Variants in MLLT3 observed in about 807,000 individuals in gnomAD.
MLLT3 encodes the protein protein AF-9.
Under a neutral mutation model 53.2 loss-of-function variants are expected in MLLT3, and 4 were observed. The ratio of observed to expected loss-of-function variants is 0.08; its 90% confidence interval spans 0.04 to 0.17. The LOEUF is 0.17. Among genes scored for constraint, MLLT3 ranks in the 10% least tolerant of loss-of-function variants. The probability of loss-of-function intolerance (pLI) is 1.00; values close to 1 mark genes in which losing one functional copy is unlikely to be tolerated. For synonymous variants in MLLT3, 283 were observed against 230.6 expected (o/e 1.23, Z -2.06); for missense variants, 569 against 684.0 (o/e 0.83, Z 1.87).
intron 2 of MLLT3, among the ~76,000 whole-genome samples, chr9:20,601,513 T>C (rs1436966710): frequency 1.3e-5 from 2 of 152,180 alleles, no homozygotes; most frequent in African/African-American, 2.4e-5. Context: ...TCTACTAAGA[T>C]AGAGTTGGAA....
intron 2 of MLLT3, among the ~76,000 whole-genome samples, chr9:20,514,810 G>C (rs1397081871): frequency 6.6e-6 from 1 of 152,134 alleles, no homozygotes; most frequent in East Asian, 1.9e-4. Context: ...TCAGGGACAT[G>C]AAAGTTCTAC....
rs1819951331 is a variant in MLLT3 at position 20,586,078 on chromosome 9, G to A, written c.193+34576C>T. On this transcript the variant is annotated intron_variant, in intron 2 of 10. Coordinates refer to ENST00000380338, the MANE Select transcript of MLLT3 (RefSeq NM_004529.4). ...CACATCTGTAATCCTAGCACTTCGGGAAGCCAAGATGGGAGTATCACTTGC... is the reference window on the plus strand; with the variant it reads ...CACATCTGTAATCCTAGCACTTCGGAAAGCCAAGATGGGAGTATCACTTGC... Among the ~76,000 whole-genome samples, 3 of 152,122 alleles carry A rather than the reference G, an allele frequency of 2.0e-5. No homozygotes were observed. In the South Asian group the frequency reaches 6.2e-4, roughly 31 times the overall value.
chr9:20,511,363 A>T (rs1825529492), intron 2 of MLLT3, among the ~76,000 whole-genome samples: 1 of 152,264 alleles, frequency 6.6e-6, no homozygotes, highest in South Asian at 2.1e-4. Context: ...CAAATAATAA[A>T]AAATTGCAAT....
intron 2 of MLLT3, among the ~76,000 whole-genome samples, chr9:20,522,096 G>C (rs1037626766): frequency 6.7e-6 from 1 of 148,476 alleles, no homozygotes; most frequent in African/African-American, 2.5e-5. Context: ...TTTATTTCTA[G>C]AGCCCAGAAA....
At chr9:20,373,936 T>C (rs964628575) in intron 5 of MLLT3, among the ~76,000 whole-genome samples, 2 of 142,968 alleles carry the variant, frequency 1.4e-5, no homozygotes, top group African/African-American at 5.9e-5. Flanking sequence ...TTGGTCCTTC[T>C]TTCATTAAAA....
At chr9:20,546,905 T>C (rs147517842) in intron 2 of MLLT3, among the ~76,000 whole-genome samples, 1 of 152,214 alleles carries the variant, frequency 6.6e-6, no homozygotes, top group Non-Finnish European at 1.5e-5. Flanking sequence ...CTGCAAGCAG[T>C]TGCAGTTCTT....
intron 2 of MLLT3, among the ~76,000 whole-genome samples, chr9:20,604,540 T>C (rs1056062023): frequency 6.6e-6 from 1 of 152,118 alleles, no homozygotes; most frequent in Non-Finnish European, 1.5e-5. Flanking sequence ...TCTGCTATAC[T>C]ACCTTCCTGT....
chr9:20,358,563 A>G (rs548331249), intron 8 of MLLT3, among the ~76,000 whole-genome samples: 2 of 152,352 alleles, frequency 1.3e-5, no homozygotes, highest in African/African-American at 4.8e-5. Flanking sequence ...AGTCTGACAA[A>G]GAGTCTAAAC....
At chr9:20,587,458 C>T (rs1433036795) in intron 2 of MLLT3, among the ~76,000 whole-genome samples, 1 of 152,044 alleles carries the variant, frequency 6.6e-6, no homozygotes. Flanking sequence ...AAACCAAGGA[C>T]TCCCACCTCC....
intron 2 of MLLT3, among the ~76,000 whole-genome samples, chr9:20,553,193 TAAAAC>T (rs1337198964): frequency 2.0e-5 from 3 of 152,286 alleles, no homozygotes; most frequent in East Asian, 1.9e-4. Flanking sequence ...AAAAGCCACT[TAAAAC>T]AAAACAAAAA....
chr9:20,415,505 C>T (rs1822848843), intron 4 of MLLT3: 1 of 824,092 alleles, frequency 1.2e-6, no homozygotes, highest in African/African-American at 1.8e-5. Context: ...TGCAAAAATC[C>T]ACATCAATAC....
intron 2 of MLLT3, among the ~76,000 whole-genome samples, chr9:20,491,136 GA>G (rs1412007990): frequency 6.6e-6 from 1 of 151,928 alleles, no homozygotes; most frequent in African/African-American, 2.4e-5. Flanking sequence ...AACCCAACAG[GA>G]AAAACAATAT....
intron 2 of MLLT3, among the ~76,000 whole-genome samples, chr9:20,519,223 T>C (rs1363331893): frequency 6.6e-6 from 1 of 152,180 alleles, no homozygotes; most frequent in Non-Finnish European, 1.5e-5. Flanking sequence ...GAATAAAGTC[T>C]GGAAATTAGT....
At chr9:20,526,624 A>G (rs1025590478) in intron 2 of MLLT3, among the ~76,000 whole-genome samples, 8 of 152,182 alleles carry the variant, frequency 5.3e-5, no homozygotes, top group Non-Finnish European at 1.0e-4. Context: ...GTAGTACTCT[A>G]GAAATATTCT....
Position 20,413,866 on chromosome 9 carries a change from A to C in MLLT3, c.980T>G (p.Ile327Arg). Residue 327 changes from isoleucine (I) to arginine (R), a missense_variant, in exon 5 of 11, where the codon ATA (isoleucine) becomes AGA (arginine). Around this residue, in one of 5 missense-constraint regions of MLLT3, gnomAD observed 437 missense variants for 376.5 expected, o/e 1.16. Coordinates refer to ENST00000380338, the MANE Select transcript of MLLT3 (RefSeq NM_004529.4). ...ILTCSADKKQ[I>R]KDKSHVKMGK... Reference sequence around the variant, plus strand: ...CATCTTGACATGAGATTTATCTTTTATCTGTTTTTTGTCAGCAGAACAAGT... The same window carrying C: ...CATCTTGACATGAGATTTATCTTTTCTCTGTTTTTTGTCAGCAGAACAAGT... 1.2e-6 allele frequency: 2 copies of C among 1,614,014 alleles called. No individual in the cohort carries two copies. The highest frequency in any genetic ancestry group is 1.7e-6 in the Non-Finnish European group (2 of 1,179,992).
At chr9:20,412,860 C>A (rs1170312643) in intron 5 of MLLT3, among the ~76,000 whole-genome samples, 2 of 152,130 alleles carry the variant, frequency 1.3e-5, no homozygotes, top group African/African-American at 2.4e-5. Context: ...TTAGTAACAA[C>A]CCTGTCACTA....
intron 4 of MLLT3, among the ~76,000 whole-genome samples, chr9:20,424,725 C>A (rs1201839078): frequency 2.6e-5 from 4 of 152,128 alleles, no homozygotes; most frequent in Non-Finnish European, 5.9e-5. Context: ...AAACAATATT[C>A]ACTGATTTTC....
intron 2 of MLLT3, among the ~76,000 whole-genome samples, chr9:20,469,724 G>GA (rs35047538): frequency 0.38 from 52,827 of 137,774 alleles, 9,999 homozygotes; most frequent in East Asian, 0.6. Context: ...GTGCAATCAG[G>GA]AAAAAAAAAA....
chr9:20,575,391 G>A (rs1000866776), intron 2 of MLLT3, among the ~76,000 whole-genome samples: 1 of 152,128 alleles, frequency 6.6e-6, no homozygotes, highest in African/African-American at 2.4e-5. Flanking sequence ...AGAAGACCCA[G>A]ATGATCATTA....
Sources: allele counts gnomAD v4.1 joint callset (sites outside exome capture counted in the v4.1 genomes callset), GRCh38; gene constraint gnomAD v4.1.1; regional missense constraint gnomAD v4.1.1; transcripts MANE v1.5; gene names NCBI Gene and HGNC (gene_info 2026-07-23, HGNC 2026-07-21).